The following PRKN variants were observed in gnomAD, a reference collection of about 807,000 sequenced individuals.
The protein encoded by PRKN is E3 ubiquitin-protein ligase parkin.
In PRKN, 56 loss-of-function variants were observed where a neutral mutation model predicts 59.5. That is an observed-to-expected ratio of 0.94 (90% CI 0.76 to 1.18). The LOEUF is 1.18. PRKN is among the 50% of genes most tolerant of loss of function. PRKN has a pLI of 0.00. For synonymous variants in PRKN, 250 were observed against 222.1 expected (o/e 1.13, Z -1.12); for missense variants, 657 against 596.4 (o/e 1.10, Z -1.06).
chr6:162,563,363 ACT>A (rs1343509553), intron 1 of PRKN, among the ~76,000 whole-genome samples: 1 of 151,928 alleles, frequency 6.6e-6, no homozygotes, highest in African/African-American at 2.4e-5. Context: ...AGAGAACAAG[ACT>A]CTCTGTCTGG....
chr6:162,262,786 A>T (rs1340706092), intron 2 of PRKN, 21 bp from the exon 3 acceptor site: 63 of 1,078,396 alleles, frequency 5.8e-5, no homozygotes, highest in South Asian at 4.9e-4. Context: ...GCAAGGTAAA[A>T]AAAAAAAAAA....
At position 162,556,342 on chromosome 6, in the gene PRKN, G is replaced by GGGGTGTGTGTGTGTTTGTGT; in HGVS notation, c.8-112870_8-112869insACACAAACACACACACACCC. Among the ~76,000 whole-genome samples the GGGGTGTGTGTGTGTTTGTGT allele has an allele frequency of 3.5e-5, 2 of 57,300 alleles. 1 individual carries two copies. The highest frequency in any genetic ancestry group is 6.6e-5 in the Non-Finnish European group (2 of 30,188). 37.6% of individuals were successfully genotyped at this position (57,300 alleles called of 152,430 possible). A position where few individuals can be genotyped will look rare whatever the true frequency, so the allele number is the denominator to read the frequency against. On this transcript the variant is annotated intron_variant, in intron 1 of 11. Transcript: ENST00000366898. ...GAAACCAAGCAGTAACTACTCAGCTGGTGTGTGTGTGTGTGTGTGTGTGTG... is the reference window on the plus strand; with the variant it reads ...GAAACCAAGCAGTAACTACTCAGCTGGGGTGTGTGTGTGTTTGTGTGTGTGTGTGTGTGTGTGTGTGTGTG...
chr6:162,516,204 T>C (rs1777847314), intron 1 of PRKN, among the ~76,000 whole-genome samples: 1 of 152,172 alleles, frequency 6.6e-6, no homozygotes, highest in African/African-American at 2.4e-5. Context: ...CTCAATGTAA[T>C]CTTGCATGAA....
rs1198338588 is a variant in PRKN, at chr6:161,802,553, G to A, written c.735-16645C>T. Reference sequence around the variant, plus strand: ...AGCCTTTCTCCGGCTCCTCCTGTGCGAGCGTGCTTCCCCAATGGTCACGTG... The same window carrying A: ...AGCCTTTCTCCGGCTCCTCCTGTGCAAGCGTGCTTCCCCAATGGTCACGTG... On this transcript the variant is annotated intron_variant, in intron 6 of 11. Transcript: ENST00000366898. Among the ~76,000 whole-genome samples the A allele has an allele frequency of 7.9e-5, 12 of 151,794 alleles. 1 individual carries two copies. The highest frequency in any genetic ancestry group is 3.2e-3 in the Middle Eastern group (1 of 314).
chr6:161,431,775 G>C (rs868832536), intron 9 of PRKN, among the ~76,000 whole-genome samples: 1 of 151,742 alleles, frequency 6.6e-6, no homozygotes, highest in Non-Finnish European at 1.5e-5. Flanking sequence ...ACCACACCCC[G>C]CTAATTTTTG....
chr6:162,228,792 C>T (rs1005935441), intron 3 of PRKN, among the ~76,000 whole-genome samples: 1 of 152,142 alleles, frequency 6.6e-6, no homozygotes, highest in Admixed American at 6.6e-5. Context: ...TTCCAGGTGT[C>T]TTTAAATAGA....
chr6:162,684,562 T>C (rs911144851), intron 1 of PRKN, among the ~76,000 whole-genome samples: 1 of 152,152 alleles, frequency 6.6e-6, no homozygotes, highest in Admixed American at 6.6e-5. Flanking sequence ...AGCTGAGTAT[T>C]TGGAGTCAGA....
At chr6:162,025,583 CTTT>C (rs1177676968) in intron 5 of PRKN, among the ~76,000 whole-genome samples, 200 of 58,966 alleles carry the variant, frequency 3.4e-3, no homozygotes, top group African/African-American at 0.014. Flanking sequence ...ATCCATGGTG[CTTT>C]TTTTTTTTTT....
intron 7 of PRKN, among the ~76,000 whole-genome samples, chr6:161,633,170 G>T (rs1783380092): frequency 6.6e-6 from 1 of 152,148 alleles, no homozygotes; most frequent in Admixed American, 6.5e-5. Flanking sequence ...GTATTTGTGT[G>T]CATGTCTGAC....
chr6:161,520,788 G>A (rs1778791679), intron 9 of PRKN, among the ~76,000 whole-genome samples: 1 of 152,174 alleles, frequency 6.6e-6, no homozygotes, highest in Non-Finnish European at 1.5e-5. Flanking sequence ...CTTGACTTAT[G>A]ATGAGAAAGC....
intron 5 of PRKN, among the ~76,000 whole-genome samples, chr6:162,014,886 C>T (rs1782876542): frequency 6.6e-6 from 1 of 151,942 alleles, no homozygotes; most frequent in South Asian, 2.1e-4. Context: ...GCCTTTTTCC[C>T]AGCTGCATAG....
At chr6:162,301,779 G>GGGA (rs1554297441) in intron 2 of PRKN, among the ~76,000 whole-genome samples, 1 of 111,118 alleles carries the variant, frequency 9.0e-6, no homozygotes, top group Admixed American at 1.1e-4. Context: ...TAAATTGGCC[G>GGGA]GGGCGGGGGG....
rs560725626 is a variant in PRKN, at chr6:161,415,181, T to C, written c.1084-28304A>G. Among the ~76,000 whole-genome samples, 7 of 152,202 alleles carry C rather than the reference T, an allele frequency of 4.6e-5. No individual in the cohort carries two copies. In the East Asian group the frequency reaches 5.8e-4, roughly 13 times the overall value. The stretch of plus-strand genomic sequence containing the variant: ...CACCAAGAGAGTGGTGATCACATAA[T>C]TGAGACCTAGTCAGACCCAGTAACA... On this transcript the variant is annotated intron_variant, in intron 9 of 11. Transcript: ENST00000366898.
At chr6:162,660,135 A>C (rs182910543) in intron 1 of PRKN, among the ~76,000 whole-genome samples, 77 of 152,334 alleles carry the variant, frequency 5.1e-4, no homozygotes, top group African/African-American at 1.8e-3. Flanking sequence ...CAACAAAAAT[A>C]ACTCAAAATT....
chr6:161,551,087 G>C lies in PRKN; in HGVS notation c.934-2084C>G, dbSNP rs1442884058. Among the ~76,000 whole-genome samples, 1 of 152,166 alleles carries C rather than the reference G, an allele frequency of 6.6e-6. No homozygotes were observed. The highest frequency in any genetic ancestry group is 2.4e-5 in the African/African-American group (1 of 41,444). On this transcript the variant is annotated intron_variant, in intron 8 of 11. Coordinates refer to ENST00000366898, the MANE Select transcript of PRKN (RefSeq NM_004562.3). The surrounding 1 kb of genome is among the most constrained non-coding windows in gnomAD (Gnocchi z 5.2). Reference sequence around the variant, plus strand: ...AAACTAGAATCTCTGAATTTATGGGGTAAGGTTCTCTGGACAGTGTCATAA... The same window carrying C: ...AAACTAGAATCTCTGAATTTATGGGCTAAGGTTCTCTGGACAGTGTCATAA...
At chr6:161,738,787 T>C (rs1788071988) in intron 7 of PRKN, among the ~76,000 whole-genome samples, 1 of 152,130 alleles carries the variant, frequency 6.6e-6, no homozygotes, top group South Asian at 2.1e-4. Flanking sequence ...CCTACTTAAA[T>C]CAGAAGTCAA....
chr6:162,123,216 GT>G lies in PRKN; in HGVS notation c.535-69043del, dbSNP rs566203991. 1.0e-3 allele frequency among the ~76,000 whole-genome samples: 156 copies of G among 152,176 alleles called. 1 individual carries two copies. Among genetic ancestry groups the G allele is most frequent in the Middle Eastern group, 6.8e-3 (2 of 294 alleles). On this transcript the variant is annotated intron_variant, in intron 4 of 11. Coordinates refer to ENST00000366898, the MANE Select transcript of PRKN (RefSeq NM_004562.3). ...CTGTGGCAGCTCATGGTATTTCCAT[GT>G]CCAAAAGTACAAGTTAATGAAAACT... is the stretch of plus-strand genomic sequence containing the variant.
intron 2 of PRKN, among the ~76,000 whole-genome samples, chr6:162,342,257 A>G (rs1246025751): frequency 6.6e-6 from 1 of 151,308 alleles, no homozygotes; most frequent in Non-Finnish European, 1.5e-5. Flanking sequence ...GATTATGGCC[A>G]ACGTTTCCCT....
chr6:162,306,664 A>G (rs1055546745), intron 2 of PRKN, among the ~76,000 whole-genome samples: 1 of 152,212 alleles, frequency 6.6e-6, no homozygotes, highest in Non-Finnish European at 1.5e-5. Context: ...AGCAACTACT[A>G]TGTGTCCGGT....
Sources: allele counts gnomAD v4.1 joint callset (sites outside exome capture counted in the v4.1 genomes callset), GRCh38; gene constraint gnomAD v4.1.1; non-coding constraint Gnocchi (gnomAD v3.1); transcripts MANE v1.5; gene names NCBI Gene and HGNC (gene_info 2026-07-23, HGNC 2026-07-21).